ERBB4: variants seen among roughly 807,000 people sequenced by gnomAD.
ERBB4 encodes receptor tyrosine-protein kinase erbB-4.
ERBB4 carries 42 observed loss-of-function variants against 158.0 expected under a neutral mutation model. The observed-to-expected ratio is 0.27, with a 90% CI of 0.21 to 0.34. The LOEUF is 0.34. Among genes scored for constraint, ERBB4 ranks in the 10% least tolerant of loss-of-function variants. ERBB4 has a pLI of 1.00. For synonymous variants in ERBB4, 583 were observed against 558.7 expected (o/e 1.04, Z -0.61); for missense variants, 1,333 against 1,624.1 (o/e 0.82, Z 3.08).
intron 16 of ERBB4, among the ~76,000 whole-genome samples, chr2:211,648,733 A>C (rs2070872122): frequency 6.6e-6 from 1 of 151,796 alleles, no homozygotes; most frequent in Admixed American, 6.6e-5. Flanking sequence ...TACTACTTCC[A>C]ATCAATTTTT....
intron 20 of ERBB4, among the ~76,000 whole-genome samples, chr2:211,532,886 A>G (rs981563861): frequency 2.0e-5 from 3 of 151,932 alleles, no homozygotes; most frequent in Non-Finnish European, 4.4e-5. Flanking sequence ...TATAGTAAAC[A>G]GTTTTTAGCT....
At chr2:211,700,635 G>A (rs72946524) in intron 12 of ERBB4, among the ~76,000 whole-genome samples, 16,124 of 152,064 alleles carry the variant, frequency 0.11, 1,226 homozygotes, top group Non-Finnish European at 0.16. Context: ...TTAATTCACT[G>A]ACAACTCAAT....
At chr2:211,413,152 AATTACCCGGGC>A (rs2063300570) in intron 25 of ERBB4, among the ~76,000 whole-genome samples, 1 of 151,472 alleles carries the variant, frequency 6.6e-6, no homozygotes, top group Admixed American at 6.6e-5. Flanking sequence ...TGTTTTTTTA[AATTACCCGGGC>A]ATGGCAGTAC....
intron 3 of ERBB4, among the ~76,000 whole-genome samples, chr2:211,909,083 T>A (rs1490116273): frequency 1.3e-5 from 2 of 151,736 alleles, no homozygotes; most frequent in Non-Finnish European, 2.9e-5. Flanking sequence ...GTAAGCTACA[T>A]ACCCTGAATA....
intron 20 of ERBB4, among the ~76,000 whole-genome samples, chr2:211,506,321 A>G (rs1389966742): frequency 6.6e-6 from 1 of 152,140 alleles, no homozygotes; most frequent in Non-Finnish European, 1.5e-5. Flanking sequence ...GGGGGACTTC[A>G]ACATCCCATT....
At chr2:212,310,565 G>A (rs929891770) in intron 1 of ERBB4, among the ~76,000 whole-genome samples, 5 of 150,006 alleles carry the variant, frequency 3.3e-5, no homozygotes, top group South Asian at 2.1e-4. Flanking sequence ...GTAATTTTGC[G>A]TGAACCATCT....
At chr2:212,054,563 G>T (rs1374262339) in intron 2 of ERBB4, among the ~76,000 whole-genome samples, 4 of 152,200 alleles carry the variant, frequency 2.6e-5, no homozygotes, top group Middle Eastern at 6.8e-3. Context: ...GATAAAATGT[G>T]GTTTCTTCTA....
intron 2 of ERBB4, among the ~76,000 whole-genome samples, chr2:211,986,443 C>T (rs1209830116): frequency 1.3e-5 from 2 of 152,134 alleles, no homozygotes; most frequent in African/African-American, 4.8e-5. Context: ...AATCTGTTGT[C>T]CATGAGGCAG....
chr2:212,082,852 C>A (rs951033833), intron 2 of ERBB4, among the ~76,000 whole-genome samples: 3 of 151,962 alleles, frequency 2.0e-5, no homozygotes, highest in Non-Finnish European at 4.4e-5. Context: ...GTAGGTAAAA[C>A]GACAAGAACA....
intron 9 of ERBB4, among the ~76,000 whole-genome samples, chr2:211,709,655 A>G (rs1349295254): frequency 1.3e-5 from 2 of 152,080 alleles, no homozygotes; most frequent in Non-Finnish European, 2.9e-5. Flanking sequence ...TGTCTCTTAA[A>G]TCAAAGGATT....
rs991369409 is a variant in ERBB4, at chr2:212,405,312, G to A, written c.82+133137C>T. ...ATACCATCTCACACCAGTCAGAATG[G>A]CTGTTATTAAAAAGTAAAAATAACA... On this transcript the variant is annotated intron_variant, in intron 1 of 27. Transcript: ENST00000342788. Among the ~76,000 whole-genome samples, 5 of 151,872 alleles carry A rather than the reference G, an allele frequency of 3.3e-5. No individual in the cohort carries two copies. In the South Asian group the frequency reaches 6.3e-4, roughly 19 times the overall value.
At chr2:211,933,193 C>T (rs911634490) in intron 3 of ERBB4, among the ~76,000 whole-genome samples, 2 of 151,998 alleles carry the variant, frequency 1.3e-5, no homozygotes. Flanking sequence ...ATTTTAATTA[C>T]AAAGATTTAT....
chr2:211,737,554 A>T (rs12465301), intron 5 of ERBB4, among the ~76,000 whole-genome samples: 4,151 of 152,298 alleles, frequency 0.027, 260 homozygotes, highest in East Asian at 0.2. Flanking sequence ...TTTTGACTTT[A>T]CATAATAGCT....
intron 3 of ERBB4, among the ~76,000 whole-genome samples, chr2:211,938,559 T>C (rs369887172): frequency 6.6e-6 from 1 of 152,192 alleles, no homozygotes; most frequent in African/African-American, 2.4e-5. Context: ...AGAGGGCTCA[T>C]TGGCCACATC....
chr2:212,284,081 C>A (rs1019048105), intron 1 of ERBB4, among the ~76,000 whole-genome samples: 4 of 151,944 alleles, frequency 2.6e-5, no homozygotes, highest in African/African-American at 9.7e-5. Flanking sequence ...CTATTAAAGT[C>A]AATTATTACA....
chr2:212,297,842 T>C (rs1414054807), intron 1 of ERBB4, among the ~76,000 whole-genome samples: 1 of 151,648 alleles, frequency 6.6e-6, no homozygotes, highest in African/African-American at 2.4e-5. Flanking sequence ...ATAAAGATAT[T>C]TTTGACCAAA....
At chr2:211,889,530 C>T (rs140741065) in intron 3 of ERBB4, among the ~76,000 whole-genome samples, 5,589 of 151,898 alleles carry the variant, frequency 0.037, 146 homozygotes, top group South Asian at 0.078. Context: ...TCACCAGCAA[C>T]GGAACAAGGA....
At chr2:212,477,852 G>C (rs891431330) in intron 1 of ERBB4, among the ~76,000 whole-genome samples, 8 of 152,104 alleles carry the variant, frequency 5.3e-5, no homozygotes, top group Admixed American at 2.6e-4. Flanking sequence ...TGTGGGCTCT[G>C]TTTTGAGGAC....
intron 1 of ERBB4, among the ~76,000 whole-genome samples, chr2:212,324,346 GAGGAAA>G (rs2087718650): frequency 6.6e-6 from 1 of 150,650 alleles, no homozygotes; most frequent in South Asian, 2.1e-4. Flanking sequence ...ACTGAACCAA[GAGGAAA>G]TAGTCTGTCG....
Sources: allele counts gnomAD v4.1 joint callset (sites outside exome capture counted in the v4.1 genomes callset), GRCh38; gene constraint gnomAD v4.1.1; transcripts MANE v1.5; gene names NCBI Gene and HGNC (gene_info 2026-07-23, HGNC 2026-07-21).